Variants in MAP4 observed in about 807,000 individuals in gnomAD.
The protein encoded by MAP4 is microtubule associated protein 4.
Under a neutral mutation model 170.2 loss-of-function variants are expected in MAP4, and 76 were observed. That is an observed-to-expected ratio of 0.45 (90% CI 0.37 to 0.54). MAP4 has a LOEUF of 0.54. Among genes scored for constraint, MAP4 ranks in the 20% least tolerant of loss-of-function variants. The probability of loss-of-function intolerance (pLI) is 0.00; values close to 1 mark genes in which losing one functional copy is unlikely to be tolerated. For synonymous variants in MAP4, 909 were observed against 994.5 expected, an observed-to-expected ratio of 0.91 and a Z score of 1.62; for missense variants, 2,506 against 2,748.0, an observed-to-expected ratio of 0.91 and a Z score of 1.97.
At position 47,998,794 on chromosome 3, in the gene MAP4, G is replaced by A. The variant is rs760742452; in HGVS notation, c.67C>T (p.Arg23Trp). The change falls in exon 2 of 21, where the codon CGG (arginine) becomes TGG (tryptophan). Residue 23 changes from arginine (R) to tryptophan (W), a missense_variant. This residue lies in a region of MAP4 where 2,008 missense variants were observed against 2,206.0 expected (regional missense o/e 0.91). Transcript: ENST00000683076. ...GCCTCTAGTGTGGCAATGAAGTCCCGCTTTATCTCTCCCTCAATGTCTGGA... is the reference window on the plus strand; with the variant it reads ...GCCTCTAGTGTGGCAATGAAGTCCCACTTTATCTCTCCCTCAATGTCTGGA... ...PSPDIEGEIK[R>W]DFIATLEAEA... is the part of the protein sequence containing the mutation. 1.8e-4 allele frequency: 294 copies of A among 1,613,962 alleles called. No homozygotes were observed. The Admixed American group carries it at 3.8e-3, about 21-fold the overall frequency.
At chr3:48,083,332 C>T (rs976275955) in intron 1 of MAP4, among the ~76,000 whole-genome samples, 1 of 152,132 alleles carries the variant, frequency 6.6e-6, no homozygotes, top group African/African-American at 2.4e-5. Context: ...GAGTTTTAAA[C>T]TATTTTCCAT....
chr3:48,059,967 T>C (rs532239723), intron 1 of MAP4, among the ~76,000 whole-genome samples: 2 of 120,940 alleles, frequency 1.7e-5, no homozygotes, highest in South Asian at 5.9e-4. Context: ...AGTGAGACTC[T>C]GTCTCAAAAA....
chr3:47,985,645 A>G (rs2100088218), intron 2 of MAP4, among the ~76,000 whole-genome samples: 2 of 152,222 alleles, frequency 1.3e-5, no homozygotes, highest in African/African-American at 4.8e-5. Context: ...AGGAAATGCC[A>G]GGCAAACCCA....
At position 48,076,059 on chromosome 3, in the gene MAP4, T is replaced by TAA. The variant is rs58962372; in HGVS notation, c.-20+12712_-20+12713dup. ...TGTATAAAAATTAATTTGAAATTGA[T>TAA]AAAAAAAAAACTAAATACAACAGCT... On this transcript the variant is annotated intron_variant, in intron 1 of 18. Transcript: ENST00000360240. 4.1e-3 allele frequency among the ~76,000 whole-genome samples: 593 copies of TAA among 142,986 alleles called. 6 individuals are homozygous for TAA. Among genetic ancestry groups the TAA allele is most frequent in the African/African-American group, 0.015 (574 of 39,042 alleles). 93.8% of individuals were successfully genotyped at this position (142,986 alleles called of 152,430 possible).
chr3:47,953,801 G>A (rs567564761), intron 3 of MAP4, among the ~76,000 whole-genome samples: 9 of 152,032 alleles, frequency 5.9e-5, no homozygotes, highest in Non-Finnish European at 1.3e-4. Context: ...ATCACTTGAG[G>A]CCAGGAGTTC....
At chr3:47,931,393 A>C (rs902963572) in intron 3 of MAP4, among the ~76,000 whole-genome samples, 1 of 152,142 alleles carries the variant, frequency 6.6e-6, no homozygotes, top group African/African-American at 2.4e-5. Context: ...CTGTACAAAA[A>C]GACTGACAGG....
At chr3:48,010,513 A>G (rs2154429635) in intron 1 of MAP4, among the ~76,000 whole-genome samples, 1 of 152,258 alleles carries the variant, frequency 6.6e-6, no homozygotes, top group South Asian at 2.1e-4. Context: ...TGTATGAAGG[A>G]TAGTTTTATT....
chr3:47,944,901 C>A (rs958222963), intron 3 of MAP4, among the ~76,000 whole-genome samples: 3 of 150,110 alleles, frequency 2.0e-5, no homozygotes, highest in African/African-American at 7.3e-5. Context: ...TACTAGGGAA[C>A]CGGTGTGTGT....
At chr3:47,978,467 G>A (rs546576357) in intron 2 of MAP4, among the ~76,000 whole-genome samples, 1 of 152,006 alleles carries the variant, frequency 6.6e-6, no homozygotes, top group South Asian at 2.1e-4. Context: ...GCAGGCACCC[G>A]CCCCCATGAC....
intron 12 of MAP4, among the ~76,000 whole-genome samples, chr3:47,874,158 C>T (rs564280861): frequency 6.6e-6 from 1 of 152,296 alleles, no homozygotes; most frequent in South Asian, 2.1e-4. Context: ...AGCTTTATTT[C>T]CTCATCTGGA....
intron 17 of MAP4, among the ~76,000 whole-genome samples, chr3:47,864,404 C>T (rs1559806632): frequency 1.3e-5 from 2 of 151,938 alleles, no homozygotes; most frequent in Non-Finnish European, 1.5e-5. Flanking sequence ...AGCCCAGGTG[C>T]GGTGGCTCAT....
In MAP4 at chr3:47,977,867, G is replaced by A. The variant is rs371268157; in HGVS notation, c.290C>T (p.Thr97Ile). The change falls in exon 3 of 21, where the codon ACA becomes ATA. Residue 97 changes from threonine to isoleucine, a missense_variant and splice_region_variant. By Grantham distance (89) the Thr-to-Ile change is moderately conservative. Transcript: ENST00000683076. ...GGHGVEGSDT[T>I]GSPTEFLEEK... ...GGGGAATCCTGGGAATCACTTACCT[G>A]TAGTATCGCTCCCTTCTACTCCATG... 1 of 1,608,762 alleles carries A rather than the reference G, an allele frequency of 6.2e-7. No homozygotes were observed. The highest frequency in any genetic ancestry group is 8.5e-7 in the Non-Finnish European group (1 of 1,175,478).
chr3:47,857,400 A>C (rs1240694278), intron 18 of MAP4, 31 bp downstream of exon 18: 1 of 1,590,050 alleles, frequency 6.3e-7, no homozygotes, highest in Admixed American at 1.7e-5. Context: ...CATACCCTGG[A>C]GACCCAGTGG....
chr3:48,069,436 C>G (rs2100139920), intron 1 of MAP4, among the ~76,000 whole-genome samples: 1 of 152,144 alleles, frequency 6.6e-6, no homozygotes, highest in Non-Finnish European at 1.5e-5. Context: ...AAACCTGAAC[C>G]TTGGTCTTTT....
chr3:47,910,576 T>A lies in MAP4; in HGVS notation c.3845A>T (p.Glu1282Val). Residue 1282 changes from glutamate to valine, a missense_variant, in exon 9 of 21, where the codon GAA becomes GTA. By Grantham distance (121) the Glu-to-Val change is moderately radical (BLOSUM62 -2). Coordinates refer to ENST00000683076, the MANE Select transcript of MAP4 (RefSeq NM_001385682.1). ...FSHTPDTPTV[E>V]AVDRKGGNFQ... ...ATTTCCACCCTTCCTGTCAACTGCT[T>A]CCACTGTGGGTGTATCTGGTGTATG... 6.5e-7 allele frequency: 1 copy of A among 1,536,122 alleles called. No individual in the cohort carries two copies. Among genetic ancestry groups the A allele is most frequent in the Non-Finnish European group, 8.7e-7 (1 of 1,146,904 alleles).
At chr3:48,017,924 G>A (rs2100108610), upstream of MAP4, among the ~76,000 whole-genome samples, 2 of 152,104 alleles carry the variant, frequency 1.3e-5, no homozygotes, top group East Asian at 1.9e-4. Context: ...GGGGTGAGAG[G>A]GAGGAGATGG....
intron 1 of MAP4, among the ~76,000 whole-genome samples, chr3:48,067,360 C>T (rs1205057204): frequency 6.6e-6 from 1 of 151,794 alleles, no homozygotes; most frequent in African/African-American, 2.4e-5. Context: ...TTTTTTTTGG[C>T]GTGATTGCGC....
intron 9 of MAP4, among the ~76,000 whole-genome samples, chr3:47,907,580 C>A (rs1008161407): frequency 6.6e-6 from 1 of 152,160 alleles, no homozygotes; most frequent in Non-Finnish European, 1.5e-5. Flanking sequence ...CTGACCCAGG[C>A]AGGGCCCCAA....
chr3:48,053,356 G>A (rs915605526), intron 1 of MAP4, among the ~76,000 whole-genome samples: 4 of 75,734 alleles, frequency 5.3e-5, no homozygotes, highest in Non-Finnish European at 1.1e-4. Flanking sequence ...ACTAATGCTA[G>A]GGTTCATTGA....
Sources: gnomAD v4.1 joint callset for allele counts (sites outside exome capture counted in the v4.1 genomes callset) on GRCh38, gnomAD v4.1.1 for gene constraint, gnomAD v4.1.1 regional missense constraint, MANE v1.5 for transcripts, NCBI Gene and HGNC (gene_info 2026-07-23, HGNC 2026-07-21) for gene names.